KIF13A: variants seen among roughly 807,000 people sequenced by gnomAD.
KIF13A encodes kinesin family member 13A.
In KIF13A, 79 loss-of-function variants were observed where a neutral mutation model predicts 212.2. The observed-to-expected ratio is 0.37, with a 90% CI of 0.31 to 0.45. The LOEUF is 0.45. Among genes scored for constraint, KIF13A ranks in the 20% least tolerant of loss-of-function variants. KIF13A has a pLI of 1.00. For missense variants in KIF13A, 1,901 were observed against 2,209.0 expected (o/e 0.86, Z 2.79); for synonymous variants, 789 against 808.6 (o/e 0.98, Z 0.41).
rs774490987 is a variant in KIF13A at position 17,772,028 on chromosome 6, G to A, written c.4356C>T (p.Thr1452=). 12 of 1,613,858 alleles carry A rather than the reference G, an allele frequency of 7.4e-6. No homozygotes were observed. Among genetic ancestry groups the A allele is most frequent in the East Asian group, 2.2e-5 (1 of 44,882 alleles). The part of the protein sequence containing the change: ...GCTSETPHAL[T]VSPFKAFSPQ... ...GAGAGAATGCTTTAAAAGGGCTGACGGTTAAGGCATGAGGAGTCTCTGATG... is the reference window on the plus strand; with the variant it reads ...GAGAGAATGCTTTAAAAGGGCTGACAGTTAAGGCATGAGGAGTCTCTGATG... The change falls in exon 37 of 39, where the codon ACC becomes ACT. Residue 1452 remains threonine (T), a synonymous_variant. Coordinates refer to ENST00000259711, the MANE Select transcript of KIF13A (RefSeq NM_022113.6). This position sits in a 1 kb window ranked among gnomAD's most constrained non-coding sequence, Gnocchi z 4.8.
rs940137665 is a variant in KIF13A, at chr6:17,883,358, A to G, written c.160-9921T>C. Reference sequence around the variant, plus strand: ...CAAGACTGTCTCTAAAAAATAAAATAAAAATAATAAAAAAAAATAAGGCAA... The same window carrying G: ...CAAGACTGTCTCTAAAAAATAAAATGAAAATAATAAAAAAAAATAAGGCAA... On this transcript the variant is annotated intron_variant, in intron 3 of 38. Transcript: ENST00000259711. The surrounding 1 kb of genome is among the most constrained non-coding windows in gnomAD (Gnocchi z 4.8). Among the ~76,000 whole-genome samples, 2 of 152,158 alleles carry G rather than the reference A, an allele frequency of 1.3e-5. No individual in the cohort carries two copies. The highest frequency in any genetic ancestry group is 2.9e-5 in the Non-Finnish European group (2 of 68,022).
chr6:17,793,134 C>T (rs541088541), intron 25 of KIF13A, among the ~76,000 whole-genome samples: 2 of 152,164 alleles, frequency 1.3e-5, no homozygotes, highest in African/African-American at 4.8e-5. Context: ...GGCTGGAGTG[C>T]AGTGGTATGA....
intron 3 of KIF13A, among the ~76,000 whole-genome samples, chr6:17,889,208 A>G (rs937124030): frequency 3.3e-5 from 5 of 152,236 alleles, no homozygotes; most frequent in African/African-American, 1.2e-4. Flanking sequence ...AGCAATTTTC[A>G]TAAAGGCAGG....
At chr6:17,847,120 T>TAC (rs147783786) in intron 9 of KIF13A, among the ~76,000 whole-genome samples, 9,385 of 151,958 alleles carry the variant, frequency 0.062, 413 homozygotes, top group African/African-American at 0.13. Flanking sequence ...ACGCCAGTCA[T>TAC]ACACACACAC....
At position 17,984,585 on chromosome 6, in the gene KIF13A, GTTTT is replaced by G; in HGVS notation, c.146+2465_146+2468del. ...GAAACAATGAAAGCTGACCCCATCT[GTTTT>G]TTTTTTTTTTCCCTGGACGTCAATG... On this transcript the variant is annotated intron_variant, in intron 2 of 38. Coordinates refer to ENST00000259711, the MANE Select transcript of KIF13A (RefSeq NM_022113.6). This position sits in a 1 kb window ranked among gnomAD's most constrained non-coding sequence, Gnocchi z 5.0. 3.6e-6 allele frequency: 3 copies of G among 827,970 alleles called. No individual in the cohort carries two copies. Among genetic ancestry groups the G allele is most frequent in the Non-Finnish European group, 4.3e-6 (3 of 693,988 alleles). 51.3% of individuals were successfully genotyped at this position (827,970 alleles called of 1,614,324 possible).
chr6:17,957,401 G>A (rs187813117), intron 2 of KIF13A, among the ~76,000 whole-genome samples: 138 of 152,182 alleles, frequency 9.1e-4, no homozygotes, highest in Non-Finnish European at 1.7e-3. Context: ...TGCAGACCTC[G>A]CCCTATGTAT....
intron 16 of KIF13A, among the ~76,000 whole-genome samples, chr6:17,822,467 G>A (rs1764544611): frequency 6.6e-6 from 1 of 152,200 alleles, no homozygotes; most frequent in Non-Finnish European, 1.5e-5. Flanking sequence ...GTTTGGCTGA[G>A]AGGATCAGAG....
At chr6:17,845,561 C>A (rs1000155463) in intron 9 of KIF13A, among the ~76,000 whole-genome samples, 3 of 152,162 alleles carry the variant, frequency 2.0e-5, no homozygotes, top group African/African-American at 4.8e-5. Context: ...TAGTGACTAG[C>A]CATTACTGAA....
In KIF13A at chr6:17,763,920, A is replaced by C; in HGVS notation, c.*190T>G. The C allele has an allele frequency of 1.4e-6, 2 of 1,427,102 alleles. No individual in the cohort carries two copies. Among genetic ancestry groups the C allele is most frequent in the South Asian group, 3.1e-5 (2 of 64,732 alleles). The allele number at this position is 1,427,102 out of a possible 1,614,324, so 88.4% of individuals were successfully genotyped here. On this transcript the variant is annotated 3_prime_UTR_variant, in exon 39 of 39. Coordinates refer to ENST00000259711, the MANE Select transcript of KIF13A (RefSeq NM_022113.6). Reference sequence around the variant, plus strand: ...ACCCATGTGCCAGGTAAAAAAATCCACTGGTCTTATAATTTCACAATTGCG... The same window carrying C: ...ACCCATGTGCCAGGTAAAAAAATCCCCTGGTCTTATAATTTCACAATTGCG...
intron 25 of KIF13A, among the ~76,000 whole-genome samples, chr6:17,792,828 G>T (rs1761708929): frequency 6.6e-6 from 1 of 152,198 alleles, no homozygotes; most frequent in Admixed American, 6.5e-5. Flanking sequence ...AAGAGACTTT[G>T]CCTGAAAGCC....
Position 17,855,577 on chromosome 6 carries a change from C to A in KIF13A, c.354G>T (p.Gln118His), listed in dbSNP as rs770182316. 6.2e-7 allele frequency: 1 copy of A among 1,611,690 alleles called. No individual in the cohort carries two copies. Among genetic ancestry groups the A allele is most frequent in the Non-Finnish European group, 8.5e-7 (1 of 1,179,376 alleles). Residue 118 changes from glutamine to histidine, a missense_variant, in exon 6 of 39, where the codon CAG becomes CAT. Gln to His is a conservative substitution (Grantham distance 24). This residue lies in a region of KIF13A where 506 missense variants were observed against 637.4 expected (regional missense o/e 0.79). Coordinates refer to ENST00000259711, the MANE Select transcript of KIF13A (RefSeq NM_022113.6). This position sits in a 1 kb window ranked among gnomAD's most constrained non-coding sequence, Gnocchi z 4.1. ...KSFSMMGHAEQLGLIPRLCCA... is the reference protein window; with the variant it reads ...KSFSMMGHAEHLGLIPRLCCA... ...AGCAGAGCCTTGGAATAAGGCCCAG[C>A]TGCTCAGCATGGCCCATCATGGAAA...
Position 17,987,578 on chromosome 6 carries a change from C to A in KIF13A, c.-115G>T. The A allele has an allele frequency of 4.4e-6, 2 of 451,246 alleles. No homozygotes were observed. Among genetic ancestry groups the A allele is most frequent in the Non-Finnish European group, 5.8e-6 (2 of 343,664 alleles). The allele number at this position is 451,246 out of a possible 1,614,324, so 28.0% of individuals were successfully genotyped here. ...CCCTCGAGCGCGGCCGCCGCCGCTC[C>A]GCCGTGAGCTCCGAGAGGCAGCGCC... is the stretch of plus-strand genomic sequence containing the variant. On this transcript the variant is annotated 5_prime_UTR_variant, in exon 1 of 39. Transcript: ENST00000259711. This position sits in a 1 kb window ranked among gnomAD's most constrained non-coding sequence, Gnocchi z 7.7.
chr6:17,846,421 A>C (rs1220281531), intron 9 of KIF13A, among the ~76,000 whole-genome samples: 1 of 152,152 alleles, frequency 6.6e-6, no homozygotes, highest in Non-Finnish European at 1.5e-5. Context: ...GGAAGATCAT[A>C]TCTCATAAAC....
chr6:17,783,601 C>T lies in KIF13A; in HGVS notation c.3544+45G>A, dbSNP rs776316359. On this transcript the variant is annotated intron_variant, in intron 29 of 38. Transcript: ENST00000259711. The surrounding 1 kb of genome is among the most constrained non-coding windows in gnomAD (Gnocchi z 4.3). ...ATGTGAATCTGGATAGATTACAAAC[C>T]TTAGTTAAATACAATAATCCCTGTG... 2 of 1,226,768 alleles carry T rather than the reference C, an allele frequency of 1.6e-6. No individual in the cohort carries two copies. Among genetic ancestry groups the T allele is most frequent in the Non-Finnish European group, 2.4e-6 (2 of 849,898 alleles). The allele number at this position is 1,226,768 out of a possible 1,614,324, so 76.0% of individuals were successfully genotyped here.
downstream of KIF13A, among the ~76,000 whole-genome samples, chr6:17,762,669 C>T (rs142432404): frequency 1.7e-3 from 261 of 152,272 alleles, 1 homozygote; most frequent in Non-Finnish European, 2.8e-3. Context: ...CTGATGTATA[C>T]CAGCTGTGTA....
chr6:17,779,735 A>G, intron 31 of KIF13A, 51 bp from the exon 32 acceptor site: 1 of 620,242 alleles, frequency 1.6e-6, no homozygotes, highest in Admixed American at 3.5e-5. Context: ...AATGTAAGTT[A>G]TTTTGTATTT....
At chr6:17,881,622 AG>A in intron 3 of KIF13A, 1 of 352,824 alleles carries the variant, frequency 2.8e-6, no homozygotes, top group South Asian at 2.2e-5. Flanking sequence ...ACTTGAACTC[AG>A]GAAGCGGAGG....
intron 9 of KIF13A, among the ~76,000 whole-genome samples, chr6:17,840,011 C>A (rs1324528802): frequency 1.3e-5 from 2 of 152,060 alleles, no homozygotes; most frequent in Admixed American, 6.6e-5. Flanking sequence ...TGTATGATTC[C>A]ATTTATATGA....
intron 2 of KIF13A, among the ~76,000 whole-genome samples, chr6:17,985,036 G>C (rs955396589): frequency 1.3e-5 from 2 of 152,176 alleles, no homozygotes; most frequent in Non-Finnish European, 2.9e-5. Context: ...TGCATTTGGT[G>C]TCTTCATCTG....
Sources: gnomAD v4.1 joint callset for allele counts (sites outside exome capture counted in the v4.1 genomes callset) on GRCh38, gnomAD v4.1.1 for gene constraint, gnomAD v4.1.1 regional missense constraint, Gnocchi (gnomAD v3.1) non-coding constraint, MANE v1.5 for transcripts, NCBI Gene and HGNC (gene_info 2026-07-23, HGNC 2026-07-21) for gene names.